DLGAP2: variants seen among roughly 807,000 people sequenced by gnomAD.
DLGAP2 encodes the protein DLG associated protein 2.
In DLGAP2, 26 loss-of-function variants were observed where a neutral mutation model predicts 100.3. That is an observed-to-expected ratio of 0.26 (90% CI 0.19 to 0.36). DLGAP2 has a LOEUF of 0.36. Ranked by LOEUF, DLGAP2 falls within the 10% of genes least tolerant of loss-of-function variation. DLGAP2 has a pLI of 1.00. For synonymous variants in DLGAP2, 886 were observed against 630.1 expected (o/e 1.41, Z -6.08); for missense variants, 1,858 against 1,453.2 (o/e 1.28, Z -4.53).
chr8:1,481,465 C>CTTT (rs1351049909), intron 3 of DLGAP2, among the ~76,000 whole-genome samples: 1 of 81,690 alleles, frequency 1.2e-5, no homozygotes, highest in Non-Finnish European at 2.5e-5. Flanking sequence ...TTTTCTTTTT[C>CTTT]TTTTTCTTTT....
At chr8:1,058,887 C>G (rs1802964725) in intron 2 of DLGAP2, among the ~76,000 whole-genome samples, 1 of 152,190 alleles carries the variant, frequency 6.6e-6, no homozygotes, top group Non-Finnish European at 1.5e-5. Flanking sequence ...GATGGCCACA[C>G]CCACCTGTGC....
intron 1 of DLGAP2, among the ~76,000 whole-genome samples, chr8:833,101 T>A (rs1266016828): frequency 6.6e-6 from 1 of 152,238 alleles, no homozygotes; most frequent in East Asian, 1.9e-4. Flanking sequence ...AGGGCTTACC[T>A]GTCTTCATGC....
chr8:1,604,819 A>T (rs1290840028), intron 6 of DLGAP2: 1 of 152,208 alleles, frequency 6.6e-6, no homozygotes. Flanking sequence ...AAAAAAACTC[A>T]AACATAAATG....
chr8:790,485 G>C (rs1051254683), intron 1 of DLGAP2, among the ~76,000 whole-genome samples: 2 of 152,170 alleles, frequency 1.3e-5, no homozygotes, highest in Admixed American at 6.5e-5. Flanking sequence ...TAAATGCTTA[G>C]CATAGAGATC....
At position 1,669,758 on chromosome 8, in the gene DLGAP2, G is replaced by T. The variant is rs747192625; in HGVS notation, c.2176G>T (p.Glu726Ter). The change falls in exon 10 of 15, where the codon GAG (glutamate) becomes TAG (stop). Residue 726 changes from glutamate to a stop codon, truncating the protein, a stop_gained. Transcript: ENST00000637795. LOFTEE classifies it high-confidence loss of function. ...SIGIQDSEFP[E>*]HQPYPRSDVE... ...TTTTGTTTAGGATTCTGAATTCCCA[G>T]AGCATCAGCCATACCCAAGGTCAGA... is the stretch of plus-strand genomic sequence containing the variant. The T allele has an allele frequency of 1.3e-6, 1 of 780,802 alleles. No homozygotes were observed. Among genetic ancestry groups the T allele is most frequent in the African/African-American group, 1.7e-5 (1 of 59,160 alleles). 48.4% of individuals were successfully genotyped at this position (780,802 alleles called of 1,614,324 possible).
chr8:1,204,643 G>C (rs956097478), intron 2 of DLGAP2, among the ~76,000 whole-genome samples: 2 of 152,162 alleles, frequency 1.3e-5, no homozygotes, highest in Non-Finnish European at 2.9e-5. Context: ...CATGTTGGCT[G>C]ATTCGCCAAA....
chr8:1,535,164 G>C (rs769028589), intron 4 of DLGAP2, among the ~76,000 whole-genome samples: 1 of 152,236 alleles, frequency 6.6e-6, no homozygotes, highest in Non-Finnish European at 1.5e-5. Flanking sequence ...CAGATGCCCA[G>C]AAGTCCCCCC....
rs191931169 is a variant in DLGAP2 at position 1,500,953 on chromosome 8, T to A, written c.107-413T>A. ...GAAGCTTTCTAGACCGGAAGGAAAG[T>A]CTTTCTCATGGGCGATGCAGGGCCC... On this transcript the variant is annotated intron_variant, in intron 3 of 14. Transcript: ENST00000637795. Among the ~76,000 whole-genome samples, 358 of 152,252 alleles carry A rather than the reference T, an allele frequency of 2.4e-3. 1 individual carries two copies. Among genetic ancestry groups the A allele is most frequent in the Non-Finnish European group, 4.5e-3 (309 of 68,014 alleles).
intron 2 of DLGAP2, among the ~76,000 whole-genome samples, chr8:1,174,226 C>A (rs1225332246): frequency 1.3e-5 from 2 of 152,118 alleles, no homozygotes; most frequent in Non-Finnish European, 2.9e-5. Context: ...AATTGCTATT[C>A]TGCAGGGAAT....
At chr8:1,039,524 A>G (rs541285320) in intron 2 of DLGAP2, among the ~76,000 whole-genome samples, 18 of 115,428 alleles carry the variant, frequency 1.6e-4, no homozygotes, top group South Asian at 2.9e-4. Flanking sequence ...GTGCATGTTC[A>G]GCTCGGTGTG....
chr8:921,133 C>T (rs147278768), intron 2 of DLGAP2, among the ~76,000 whole-genome samples: 8 of 152,144 alleles, frequency 5.3e-5, no homozygotes, highest in Non-Finnish European at 1.2e-4. Flanking sequence ...TCTCCTTCTG[C>T]GAGATTTCAT....
At chr8:1,659,918 A>G (rs901540479) in intron 8 of DLGAP2, among the ~76,000 whole-genome samples, 4 of 152,070 alleles carry the variant, frequency 2.6e-5, no homozygotes, top group African/African-American at 9.7e-5. Flanking sequence ...CCGTTAGTTG[A>G]TGTAGTTTCT....
chr8:860,759 A>T (rs1797373379), intron 1 of DLGAP2, among the ~76,000 whole-genome samples: 1 of 152,230 alleles, frequency 6.6e-6, no homozygotes, highest in Non-Finnish European at 1.5e-5. Context: ...CTTCTTGGTG[A>T]TGGAGACACG....
intron 2 of DLGAP2, among the ~76,000 whole-genome samples, chr8:1,251,052 T>TA (rs1799028375): frequency 6.6e-6 from 1 of 152,236 alleles, no homozygotes; most frequent in Admixed American, 6.5e-5. Flanking sequence ...TATCTGCAGT[T>TA]TAAACATTGG....
intron 1 of DLGAP2, among the ~76,000 whole-genome samples, chr8:842,552 C>T (rs979321153): frequency 1.3e-5 from 2 of 152,172 alleles, no homozygotes; most frequent in Non-Finnish European, 2.9e-5. Flanking sequence ...TTTAATTTCT[C>T]TGGTACATGG....
chr8:1,493,163 A>G (rs572329363), intron 3 of DLGAP2, among the ~76,000 whole-genome samples: 3 of 152,320 alleles, frequency 2.0e-5, no homozygotes, highest in Admixed American at 6.5e-5. Context: ...ACTCGGGGAG[A>G]AGAGGCAGTG....
chr8:1,311,515 G>T (rs2117015846), intron 3 of DLGAP2, among the ~76,000 whole-genome samples: 1 of 152,284 alleles, frequency 6.6e-6, no homozygotes, highest in East Asian at 1.9e-4. Context: ...CAATGTAGAT[G>T]CTAAAATTTT....
chr8:815,023 T>A (rs563049799), intron 1 of DLGAP2, among the ~76,000 whole-genome samples: 1 of 152,186 alleles, frequency 6.6e-6, no homozygotes, highest in East Asian at 1.9e-4. Context: ...AAAGCACAGT[T>A]AACGGAGCGG....
intron 3 of DLGAP2, among the ~76,000 whole-genome samples, chr8:1,325,520 T>C (rs540356930): frequency 6.6e-6 from 1 of 152,360 alleles, no homozygotes; most frequent in South Asian, 2.1e-4. Flanking sequence ...AAAAACTTTG[T>C]ACGCATACAT....
Sources: allele counts gnomAD v4.1 joint callset (sites outside exome capture counted in the v4.1 genomes callset), GRCh38; gene constraint gnomAD v4.1.1; transcripts MANE v1.5; gene names NCBI Gene and HGNC (gene_info 2026-07-23, HGNC 2026-07-21).